Variants in RORA observed in about 807,000 individuals in gnomAD.
The protein encoded by RORA is nuclear receptor ROR-alpha.
Under a neutral mutation model 69.5 loss-of-function variants are expected in RORA, and 7 were observed. The observed-to-expected ratio is 0.10, with a 90% CI of 0.06 to 0.19. RORA has a LOEUF of 0.19. Among genes scored for constraint, RORA ranks in the 10% least tolerant of loss-of-function variants. The pLI, the probability that RORA is intolerant of heterozygous loss-of-function variation, is 1.00. For synonymous variants in RORA, 261 were observed against 240.8 expected, an observed-to-expected ratio of 1.08 and a Z score of -0.78; for missense variants, 457 against 663.0, an observed-to-expected ratio of 0.69 and a Z score of 3.41.
chr15:60,929,204 T>C (rs1053331159), intron 1 of RORA, among the ~76,000 whole-genome samples: 1 of 152,190 alleles, frequency 6.6e-6, no homozygotes, highest in Non-Finnish European at 1.5e-5. Flanking sequence ...CGGCAAGCTT[T>C]GTGAGGCAAG....
intron 2 of RORA, 147 bp downstream of exon 2, chr15:60,678,510 A>G (rs2140748141): frequency 1.5e-6 from 1 of 676,330 alleles, no homozygotes; most frequent in East Asian, 2.5e-5. Context: ...GCCACTTCCG[A>G]CCACTACAGA....
intron 1 of RORA, among the ~76,000 whole-genome samples, chr15:60,746,093 C>T (rs189130471): frequency 4.1e-4 from 63 of 152,266 alleles, no homozygotes; most frequent in Non-Finnish European, 7.9e-4. Context: ...ATAGTATTTC[C>T]TGTGGCTTCT....
At chr15:61,011,589 A>G (rs1042058480) in intron 1 of RORA, among the ~76,000 whole-genome samples, 3 of 152,242 alleles carry the variant, frequency 2.0e-5, no homozygotes, top group East Asian at 3.8e-4. Flanking sequence ...ACTCTCATGG[A>G]AAGCGTATCT....
intron 1 of RORA, among the ~76,000 whole-genome samples, chr15:60,802,297 G>A (rs1318582775): frequency 6.6e-6 from 1 of 152,220 alleles, no homozygotes. Context: ...TATGCAGACC[G>A]AGTGTTTGGG....
chr15:61,061,398 T>TACATACAC lies in RORA; in HGVS notation c.166+167654_166+167655insGTGTATGT, dbSNP rs2078184341. Among the ~76,000 whole-genome samples the TACATACAC allele has an allele frequency of 6.6e-6, 1 of 150,928 alleles. No homozygotes were observed. The highest frequency in any genetic ancestry group is 1.5e-5 in the Non-Finnish European group (1 of 67,822). ...ATAAATAAATAAATAAATAAATAAA[T>TACATACAC]ACAAGGGCATCGCAGGAAGTCCTGA... On this transcript the variant is annotated intron_variant, in intron 1 of 10. Coordinates refer to ENST00000335670, the MANE Select transcript of RORA (RefSeq NM_134261.3). The surrounding 1 kb of genome is among the most constrained non-coding windows in gnomAD (Gnocchi z 4.4).
chr15:60,780,978 A>C (rs1292193208), intron 1 of RORA, among the ~76,000 whole-genome samples: 1 of 152,182 alleles, frequency 6.6e-6, no homozygotes, highest in Non-Finnish European at 1.5e-5. Context: ...TAACTTTAGT[A>C]GGTGGATTCT....
At chr15:60,963,102 G>A (rs773692216) in intron 1 of RORA, among the ~76,000 whole-genome samples, 12 of 152,234 alleles carry the variant, frequency 7.9e-5, no homozygotes, top group Non-Finnish European at 1.6e-4. Flanking sequence ...ACATGCATAT[G>A]CATGGTACAT....
chr15:60,773,310 A>C (rs1212460613), intron 1 of RORA, among the ~76,000 whole-genome samples: 3 of 151,876 alleles, frequency 2.0e-5, no homozygotes, highest in African/African-American at 7.3e-5. Flanking sequence ...TTTACTGAAA[A>C]CCTTTTTTTT....
intron 1 of RORA, among the ~76,000 whole-genome samples, chr15:60,943,547 C>A (rs1892765956): frequency 6.6e-6 from 1 of 151,570 alleles, no homozygotes; most frequent in Non-Finnish European, 1.5e-5. Context: ...AAGGTCTTGG[C>A]CCAATGTGGA....
chr15:60,870,428 G>A (rs1567220237), intron 1 of RORA, among the ~76,000 whole-genome samples: 1 of 152,190 alleles, frequency 6.6e-6, no homozygotes, highest in Non-Finnish European at 1.5e-5. Flanking sequence ...AGGTTGTACG[G>A]AAGAAGCAGT....
chr15:60,652,059 A>G (rs963539698), intron 2 of RORA, among the ~76,000 whole-genome samples: 8 of 150,086 alleles, frequency 5.3e-5, no homozygotes, highest in African/African-American at 1.7e-4. Context: ...TCTGATCTCA[A>G]CCTCTCCTTC....
At chr15:60,878,212 C>T (rs1299212006) in intron 1 of RORA, among the ~76,000 whole-genome samples, 4 of 144,742 alleles carry the variant, frequency 2.8e-5, no homozygotes, top group Admixed American at 1.4e-4. Flanking sequence ...GGCGTAGTGG[C>T]GGGTGCCTGT....
intron 1 of RORA, among the ~76,000 whole-genome samples, chr15:60,747,956 C>T (rs2071671034): frequency 6.6e-6 from 1 of 152,116 alleles, no homozygotes; most frequent in South Asian, 2.1e-4. Context: ...ATGTTTAAAG[C>T]ATCATTTATA....
chr15:60,708,276 G>T (rs551805485), intron 1 of RORA, among the ~76,000 whole-genome samples: 3 of 151,904 alleles, frequency 2.0e-5, no homozygotes, highest in Middle Eastern at 6.8e-3. Flanking sequence ...ACAAAAATTA[G>T]CTGGGCTTGG....
intron 1 of RORA, among the ~76,000 whole-genome samples, chr15:60,878,343 C>CAA (rs35845582): frequency 9.2e-4 from 63 of 68,304 alleles, no homozygotes; most frequent in Admixed American, 1.6e-3. Context: ...GACTCTGTCT[C>CAA]AAAAAAAAAA....
intron 1 of RORA, among the ~76,000 whole-genome samples, chr15:60,763,096 T>TTTTTTTTTTTTTA (rs375632043): frequency 4.6e-5 from 5 of 109,432 alleles, no homozygotes; most frequent in Admixed American, 3.6e-4. Flanking sequence ...TTTTTTTTTT[T>TTTTTTTTTTTTTA]AACCAACCTA....
chr15:61,097,734 C>T (rs76431303), intron 1 of RORA, among the ~76,000 whole-genome samples: 2,204 of 152,144 alleles, frequency 0.014, 53 homozygotes, highest in East Asian at 0.099. Context: ...GGCTGTAAAT[C>T]GTGACTTCAC....
intron 1 of RORA, among the ~76,000 whole-genome samples, chr15:60,869,235 G>A (rs931356216): frequency 1.3e-5 from 2 of 152,128 alleles, no homozygotes; most frequent in African/African-American, 2.4e-5. Flanking sequence ...GTCAGGCATC[G>A]GAATGTGGCT....
chr15:60,993,302 C>T (rs979847014), intron 1 of RORA, among the ~76,000 whole-genome samples: 15 of 152,078 alleles, frequency 9.9e-5, no homozygotes, highest in African/African-American at 3.1e-4. Context: ...GTATTACTGT[C>T]CCCCTTTTAT....
Sources: gnomAD v4.1 joint callset for allele counts (sites outside exome capture counted in the v4.1 genomes callset) on GRCh38, gnomAD v4.1.1 for gene constraint, Gnocchi (gnomAD v3.1) non-coding constraint, MANE v1.5 for transcripts, NCBI Gene and HGNC (gene_info 2026-07-23, HGNC 2026-07-21) for gene names.